SPMIP2: variants seen among roughly 807,000 people sequenced by gnomAD.
SPMIP2 encodes the protein sperm microtubule inner protein 2.
chr4:158,899,457 T>C, the SPMIP2 span, among the ~76,000 whole-genome samples: 1 of 152,202 alleles, frequency 6.6e-6, no homozygotes, highest in African/African-American at 2.4e-5. Context: ...CTGGTAGAAT[T>C]TGGCTGTGAA....
At chr4:159,070,028 C>T in the SPMIP2 span, among the ~76,000 whole-genome samples, 3 of 150,932 alleles carry the variant, frequency 2.0e-5, no homozygotes, top group Non-Finnish European at 2.9e-5. Context: ...TCGCAAAGTA[C>T]AAGAAGGAGG....
At chr4:158,982,525 C>T in the SPMIP2 span, among the ~76,000 whole-genome samples, 1 of 152,194 alleles carries the variant, frequency 6.6e-6, no homozygotes, top group South Asian at 2.1e-4. Context: ...CAAACAGTCT[C>T]TCAGACCACA....
chr4:158,894,778 C>A, the SPMIP2 span, among the ~76,000 whole-genome samples: 9 of 152,276 alleles, frequency 5.9e-5, no homozygotes, highest in Admixed American at 5.2e-4. Flanking sequence ...CTCTTAGTCA[C>A]TTAGCAGTTG....
chr4:159,049,275 T>C, the SPMIP2 span, among the ~76,000 whole-genome samples: 1 of 152,208 alleles, frequency 6.6e-6, no homozygotes. Flanking sequence ...TTCTGTTCTT[T>C]CGCTGCACAC....
the SPMIP2 span, among the ~76,000 whole-genome samples, chr4:158,986,148 T>G: frequency 9.9e-5 from 15 of 151,394 alleles, no homozygotes; most frequent in Non-Finnish European, 1.8e-4. Flanking sequence ...TACAAACAAA[T>G]GGAAGAACAT....
the SPMIP2 span, among the ~76,000 whole-genome samples, chr4:159,000,255 A>T: frequency 2.0e-5 from 3 of 152,204 alleles, no homozygotes; most frequent in East Asian, 5.8e-4. Context: ...AAAAAAATTT[A>T]TTCATCTGAA....
the SPMIP2 span, among the ~76,000 whole-genome samples, chr4:158,923,713 A>G: frequency 1.3e-5 from 2 of 152,202 alleles, no homozygotes; most frequent in Non-Finnish European, 2.9e-5. Context: ...TTTGTCTTCT[A>G]TCTAAGTGCC....
the SPMIP2 span, among the ~76,000 whole-genome samples, chr4:159,004,454 C>A: frequency 6.6e-6 from 1 of 151,866 alleles, no homozygotes; most frequent in African/African-American, 2.4e-5. Flanking sequence ...CCACGCCCTA[C>A]TAATTTTTGT....
chr4:158,926,256 GT>G, the SPMIP2 span, among the ~76,000 whole-genome samples: 7 of 146,308 alleles, frequency 4.8e-5, no homozygotes, highest in Admixed American at 6.8e-5. Flanking sequence ...TCACTTTCCA[GT>G]TTTTTTTTTA....
the SPMIP2 span, among the ~76,000 whole-genome samples, chr4:159,077,626 C>G: frequency 6.6e-6 from 1 of 152,134 alleles, no homozygotes; most frequent in Non-Finnish European, 1.5e-5. Flanking sequence ...TCAAATTTTT[C>G]TTTTACACTT....
the SPMIP2 span, among the ~76,000 whole-genome samples, chr4:158,910,376 C>T: frequency 9.9e-5 from 15 of 151,796 alleles, no homozygotes; most frequent in Middle Eastern, 3.4e-3. Flanking sequence ...CGGGTTCAGG[C>T]GATTCTCCTG....
At chr4:158,967,900 C>CT in the SPMIP2 span, among the ~76,000 whole-genome samples, 7 of 152,100 alleles carry the variant, frequency 4.6e-5, no homozygotes, top group Non-Finnish European at 1.0e-4. Flanking sequence ...CACTCTCTTA[C>CT]TTTTTTCCCC....
the SPMIP2 span, among the ~76,000 whole-genome samples, chr4:159,002,979 G>T: frequency 3.0e-4 from 45 of 152,166 alleles, no homozygotes; most frequent in African/African-American, 1.0e-3. Flanking sequence ...AATTTCCACT[G>T]TTCCTCTAAA....
the SPMIP2 span, among the ~76,000 whole-genome samples, chr4:158,978,260 C>T: frequency 0.97 from 147,860 of 152,348 alleles, 71,900 homozygotes; most frequent in East Asian, 1. Context: ...GAGTTCTAAG[C>T]TGATTGCACT....
chr4:158,988,119 C>A, the SPMIP2 span, among the ~76,000 whole-genome samples: 1 of 151,940 alleles, frequency 6.6e-6, no homozygotes, highest in African/African-American at 2.4e-5. Flanking sequence ...AACAGCTGTA[C>A]GCAAATAAAC....
the SPMIP2 span, among the ~76,000 whole-genome samples, chr4:159,052,239 T>C: frequency 6.6e-5 from 10 of 152,130 alleles, no homozygotes; most frequent in Non-Finnish European, 1.3e-4. Context: ...AATATCAAAA[T>C]ATCAGGCCTT....
the SPMIP2 span, among the ~76,000 whole-genome samples, chr4:159,048,728 C>A: frequency 1.3e-5 from 2 of 148,210 alleles, no homozygotes; most frequent in Non-Finnish European, 3.0e-5. Context: ...CTCTCCCCTT[C>A]CACTTTTTTT....
chr4:158,894,829 C>T, the SPMIP2 span, among the ~76,000 whole-genome samples: 1 of 152,014 alleles, frequency 6.6e-6, no homozygotes, highest in Non-Finnish European at 1.5e-5. Flanking sequence ...GATTTTAAAC[C>T]AATGAAAAAC....
At chr4:158,986,880 C>T in the SPMIP2 span, among the ~76,000 whole-genome samples, 11 of 143,012 alleles carry the variant, frequency 7.7e-5, no homozygotes, top group East Asian at 6.1e-4. Flanking sequence ...GCAACCTACT[C>T]ATCTGACAAA....
Sources: gnomAD v4.1 joint callset for allele counts (sites outside exome capture counted in the v4.1 genomes callset) on GRCh38, gnomAD v4.1.1 for gene constraint, MANE v1.5 for transcripts, NCBI Gene and HGNC (gene_info 2026-07-23, HGNC 2026-07-21) for gene names.